CNTN1: variants seen among roughly 807,000 people sequenced by gnomAD.
CNTN1 encodes contactin 1, also known as contactin-1.
CNTN1 carries 38 observed loss-of-function variants against 126.4 expected under a neutral mutation model. The observed-to-expected ratio is 0.30, with a 90% CI of 0.23 to 0.39. The LOEUF (loss-of-function observed/expected upper bound fraction) is 0.39, where lower values mean the gene tolerates loss of function less well. Among genes scored for constraint, CNTN1 ranks in the 10% least tolerant of loss-of-function variants. The probability of loss-of-function intolerance (pLI) is 1.00; values close to 1 mark genes in which losing one functional copy is unlikely to be tolerated. For synonymous variants in CNTN1, 413 were observed against 422.6 expected (o/e 0.98, Z 0.28); for missense variants, 1,009 against 1,248.4 (o/e 0.81, Z 2.89).
chr12:41,053,416 A>G lies in CNTN1; in HGVS notation c.2981-16543A>G, dbSNP rs1051692874. ...AATTTATTTAGATTTTGTCTCTTTC[A>G]TGTTTTCACTAAATATATATATATA... On this transcript the variant is annotated intron_variant, in intron 23 of 23. Transcript: ENST00000551295. 8.5e-4 allele frequency among the ~76,000 whole-genome samples: 76 copies of G among 88,990 alleles called. No individual in the cohort carries two copies. In the East Asian group the frequency reaches 9.5e-3, roughly 11 times the overall value. The allele number at this position is 88,990 out of a possible 152,430, so 58.4% of individuals were successfully genotyped here. A position where few individuals can be genotyped will look rare whatever the true frequency, so the allele number is the denominator to read the frequency against.
At chr12:41,021,223 G>A (rs1042740677) in intron 20 of CNTN1, among the ~76,000 whole-genome samples, 2 of 152,156 alleles carry the variant, frequency 1.3e-5, no homozygotes, top group African/African-American at 2.4e-5. Flanking sequence ...CTTACAGAAA[G>A]TGTCAGAGCA....
chr12:40,899,659 C>T (rs1448984584), intron 1 of CNTN1, among the ~76,000 whole-genome samples: 1 of 152,100 alleles, frequency 6.6e-6, no homozygotes, highest in Non-Finnish European at 1.5e-5. Flanking sequence ...AATATTCCAA[C>T]CTTCACTTAA....
At chr12:41,036,834 G>A (rs754820502) in intron 23 of CNTN1, among the ~76,000 whole-genome samples, 1 of 152,074 alleles carries the variant, frequency 6.6e-6, no homozygotes, top group Non-Finnish European at 1.5e-5. Flanking sequence ...CTTTTTAAAG[G>A]CTTGGCATAT....
chr12:40,943,478 T>C (rs1946329229), intron 12 of CNTN1, 119 bp from the exon 13 acceptor site: 1 of 729,320 alleles, frequency 1.4e-6, no homozygotes, highest in Admixed American at 2.8e-5. Flanking sequence ...AAAATGTCTG[T>C]GGTCGCATGA....
At chr12:40,897,714 T>C (rs528941710) in intron 1 of CNTN1, among the ~76,000 whole-genome samples, 1 of 152,270 alleles carries the variant, frequency 6.6e-6, no homozygotes, top group South Asian at 2.1e-4. Context: ...TGGATATAAG[T>C]CTGAAACCTC....
chr12:40,829,150 A>G lies in CNTN1; in HGVS notation c.-76-79207A>G, dbSNP rs181642241. Among the ~76,000 whole-genome samples, 50 of 152,272 alleles carry G rather than the reference A, an allele frequency of 3.3e-4. 1 individual carries two copies. In the East Asian group the frequency reaches 6.8e-3, roughly 21 times the overall value. Reference sequence around the variant, plus strand: ...ATCATGGCAAATGATTAATTCCTGAACATTTCTTTAGGATGAGAAAACAGA... The same window carrying G: ...ATCATGGCAAATGATTAATTCCTGAGCATTTCTTTAGGATGAGAAAACAGA... On this transcript the variant is annotated intron_variant, in intron 1 of 23. Transcript: ENST00000551295.
At chr12:41,045,357 T>G (rs1566208778) in intron 23 of CNTN1, among the ~76,000 whole-genome samples, 1 of 152,114 alleles carries the variant, frequency 6.6e-6, no homozygotes, top group Non-Finnish European at 1.5e-5. Context: ...TAGGAAAATA[T>G]AAAAACAATT....
intron 1 of CNTN1, among the ~76,000 whole-genome samples, chr12:40,834,704 T>C (rs923914480): frequency 6.6e-6 from 1 of 152,076 alleles, no homozygotes; most frequent in Non-Finnish European, 1.5e-5. Flanking sequence ...ACAAGAACAA[T>C]AGAAAACAAC....
At position 41,007,205 on chromosome 12, in the gene CNTN1, G is replaced by A. The variant is rs555565642; in HGVS notation, c.2114-7023G>A. 3.7e-3 allele frequency among the ~76,000 whole-genome samples: 553 copies of A among 150,486 alleles called. 3 individuals are homozygous for A. Among genetic ancestry groups the A allele is most frequent in the Admixed American group, 8.0e-3 (121 of 15,152 alleles). On this transcript the variant is annotated intron_variant, in intron 17 of 23. Coordinates refer to ENST00000551295, the MANE Select transcript of CNTN1 (RefSeq NM_001843.4). ...CTCCCAAGTAGCTGGGACTACAGGC[G>A]CCCGCCACTACGCCCGGCTAATTTT...
At position 40,904,228 on chromosome 12, in the gene CNTN1, C is replaced by T. The variant is rs374483993; in HGVS notation, c.-76-4129C>T. ...AGAGATGGGGTTTCACTGTGTTAGCCAGGATGGTCTCAATCTCCTGACCTC... is the reference window on the plus strand; with the variant it reads ...AGAGATGGGGTTTCACTGTGTTAGCTAGGATGGTCTCAATCTCCTGACCTC... On this transcript the variant is annotated intron_variant, in intron 1 of 23. Coordinates refer to ENST00000551295, the MANE Select transcript of CNTN1 (RefSeq NM_001843.4). Among the ~76,000 whole-genome samples the T allele has an allele frequency of 1.7e-4, 26 of 152,112 alleles. No individual in the cohort carries two copies. The East Asian group carries it at 2.9e-3, about 17-fold the overall frequency.
intron 1 of CNTN1, among the ~76,000 whole-genome samples, chr12:40,885,281 G>A (rs1943991364): frequency 6.6e-6 from 1 of 151,914 alleles, no homozygotes; most frequent in African/African-American, 2.4e-5. Context: ...TGTGAGGGGT[G>A]AGATAATACA....
At chr12:40,906,399 A>G (rs559466806) in intron 1 of CNTN1, among the ~76,000 whole-genome samples, 54 of 152,330 alleles carry the variant, frequency 3.5e-4, no homozygotes, top group Non-Finnish European at 4.9e-4. Flanking sequence ...ATTAAAAAGG[A>G]AAAATATGTT....
chr12:40,747,638 A>G (rs1938238081), intron 1 of CNTN1, among the ~76,000 whole-genome samples: 1 of 152,080 alleles, frequency 6.6e-6, no homozygotes, highest in Admixed American at 6.6e-5. Flanking sequence ...TGGATGGAGA[A>G]TAGCTTGCAG....
chr12:40,896,471 A>C (rs928269164), intron 1 of CNTN1, among the ~76,000 whole-genome samples: 1 of 152,186 alleles, frequency 6.6e-6, no homozygotes, highest in Admixed American at 6.5e-5. Flanking sequence ...ATCACTTCTG[A>C]CTAGACTCAC....
intron 1 of CNTN1, among the ~76,000 whole-genome samples, chr12:40,695,997 G>A (rs949224303): frequency 1.3e-5 from 2 of 152,174 alleles, no homozygotes; most frequent in African/African-American, 4.8e-5. Flanking sequence ...GTATCATGAT[G>A]CAGTTAAGCG....
At chr12:40,738,196 A>C (rs1419276544) in intron 1 of CNTN1, among the ~76,000 whole-genome samples, 2 of 152,034 alleles carry the variant, frequency 1.3e-5, no homozygotes, top group African/African-American at 4.8e-5. Context: ...ATTTGTTCAG[A>C]GTGTACAATG....
At chr12:40,717,479 T>G (rs1184754920) in intron 1 of CNTN1, among the ~76,000 whole-genome samples, 1 of 152,198 alleles carries the variant, frequency 6.6e-6, no homozygotes, top group Non-Finnish European at 1.5e-5. Context: ...TTTTTCTTCC[T>G]TTCAGTTCCA....
chr12:40,942,248 G>T (rs1946286178), intron 12 of CNTN1, among the ~76,000 whole-genome samples: 1 of 152,096 alleles, frequency 6.6e-6, no homozygotes, highest in African/African-American at 2.4e-5. Context: ...AGAAGCTGAA[G>T]CCAGGAAGAT....
chr12:41,015,165 A>T (rs937645235), intron 18 of CNTN1, among the ~76,000 whole-genome samples: 1 of 149,142 alleles, frequency 6.7e-6, no homozygotes, highest in Non-Finnish European at 1.5e-5. Context: ...TTCTATACTT[A>T]GCATTTAAAT....
Sources: allele counts gnomAD v4.1 joint callset (sites outside exome capture counted in the v4.1 genomes callset), GRCh38; gene constraint gnomAD v4.1.1; transcripts MANE v1.5; gene names NCBI Gene and HGNC (gene_info 2026-07-23, HGNC 2026-07-21).